The following SLC8A1 variants were observed in gnomAD, a reference collection of about 807,000 sequenced individuals.
SLC8A1 encodes solute carrier family 8 member A1, also known as sodium/calcium exchanger 1.
In SLC8A1, 18 loss-of-function variants were observed where a neutral mutation model predicts 68.3. The observed-to-expected ratio is 0.26, with a 90% CI of 0.18 to 0.39. SLC8A1 has a LOEUF of 0.39. Among genes scored for constraint, SLC8A1 ranks in the 10% least tolerant of loss-of-function variants. SLC8A1 has a pLI of 1.00. For missense variants in SLC8A1, 985 were observed against 1,156.7 expected (o/e 0.85, Z 2.15); for synonymous variants, 475 against 415.5 (o/e 1.14, Z -1.74).
chr2:40,460,583 T>A (rs1199025643), intron 1 of SLC8A1, among the ~76,000 whole-genome samples: 1 of 20,100 alleles, frequency 5.0e-5, no homozygotes, highest in African/African-American at 1.9e-4. Flanking sequence ...ATTTTTTAAT[T>A]TTTTTTTTTT....
At chr2:40,368,535 TA>T (rs946541523) in intron 2 of SLC8A1, among the ~76,000 whole-genome samples, 1 of 152,000 alleles carries the variant, frequency 6.6e-6, no homozygotes, top group Non-Finnish European at 1.5e-5. Context: ...TGATTTTATT[TA>T]AAAAAACAGA....
chr2:40,347,955 C>A (rs1387260751), intron 2 of SLC8A1, among the ~76,000 whole-genome samples: 1 of 152,116 alleles, frequency 6.6e-6, no homozygotes, highest in Non-Finnish European at 1.5e-5. Context: ...AAATTATAAG[C>A]AATTTAAATT....
At chr2:40,322,973 AT>A (rs2075385419) in intron 2 of SLC8A1, among the ~76,000 whole-genome samples, 1 of 152,256 alleles carries the variant, frequency 6.6e-6, no homozygotes, top group East Asian at 1.9e-4. Context: ...AAGAAGAGGC[AT>A]ATTCCATTTC....
At chr2:40,407,353 A>G (rs1690696004) in intron 2 of SLC8A1, among the ~76,000 whole-genome samples, 1 of 152,220 alleles carries the variant, frequency 6.6e-6, no homozygotes, top group African/African-American at 2.4e-5. Flanking sequence ...GGCATAAGCC[A>G]CCACACCTGA....
intron 2 of SLC8A1, among the ~76,000 whole-genome samples, chr2:40,311,247 G>A (rs1319408270): frequency 6.6e-6 from 1 of 152,008 alleles, no homozygotes; most frequent in East Asian, 1.9e-4. Context: ...GTGTTCAACA[G>A]AATTGTAAAA....
At chr2:40,194,974 T>A (rs2052680434) in intron 2 of SLC8A1, among the ~76,000 whole-genome samples, 2 of 151,758 alleles carry the variant, frequency 1.3e-5, no homozygotes, top group South Asian at 4.2e-4. Context: ...AACCACTGGG[T>A]GAGATGGGCA....
In SLC8A1 at chr2:40,298,702, C is replaced by A. The variant is rs558517888; in HGVS notation, c.1809-120847G>T. Among the ~76,000 whole-genome samples, 182 of 152,210 alleles carry A rather than the reference C, an allele frequency of 1.2e-3. 2 individuals are homozygous for A. Among genetic ancestry groups the A allele is most frequent in the Non-Finnish European group, 8.1e-4 (55 of 68,026 alleles). On this transcript the variant is annotated intron_variant, in intron 2 of 7. Transcript: ENST00000406785. ...CGCTAACTTGTAAAATGGTAACATA[C>A]GTGCTGTAAGGATGACATAAGAGAT...
chr2:40,496,683 A>G (rs1343046928), intron 1 of SLC8A1, among the ~76,000 whole-genome samples: 1 of 152,076 alleles, frequency 6.6e-6, no homozygotes, highest in African/African-American at 2.4e-5. Flanking sequence ...ATGAGTTTGT[A>G]TAGTCCTTAC....
chr2:40,421,507 A>G (rs1161513221), intron 2 of SLC8A1, among the ~76,000 whole-genome samples: 1 of 152,182 alleles, frequency 6.6e-6, no homozygotes, highest in African/African-American at 2.4e-5. Context: ...CAAAAATAAA[A>G]TCAAAAAACT....
chr2:40,350,134 G>A (rs909674789), intron 2 of SLC8A1, among the ~76,000 whole-genome samples: 2 of 152,070 alleles, frequency 1.3e-5, no homozygotes, highest in Admixed American at 6.6e-5. Context: ...TTTATATGAT[G>A]TTTTAAAATC....
intron 2 of SLC8A1, among the ~76,000 whole-genome samples, chr2:40,203,032 C>T (rs1377421529): frequency 6.6e-6 from 1 of 151,934 alleles, no homozygotes; most frequent in East Asian, 1.9e-4. Flanking sequence ...AGGCTTGGAG[C>T]CCACTCAGAC....
At position 40,155,141 on chromosome 2, in the gene SLC8A1, A is replaced by T. The variant is rs532729067; in HGVS notation, c.2161+5624T>A. Among the ~76,000 whole-genome samples, 61 of 145,638 alleles carry T rather than the reference A, an allele frequency of 4.2e-4. 3 individuals carry two copies. Among genetic ancestry groups the T allele is most frequent in the South Asian group, 2.2e-4 (1 of 4,522 alleles). ...CAGCAGAATTATTATTATTATTATT[A>T]TTTTTTGAGATGGAGTCTCGCTCTG... On this transcript the variant is annotated intron_variant, in intron 6 of 7. Coordinates refer to ENST00000406785, the Ensembl canonical transcript of SLC8A1.
chr2:40,256,435 C>T (rs1015879177), intron 2 of SLC8A1, among the ~76,000 whole-genome samples: 1 of 151,710 alleles, frequency 6.6e-6, no homozygotes, highest in Non-Finnish European at 1.5e-5. Context: ...ATTTACATGA[C>T]AAAAAAAATG....
At chr2:40,381,045 C>T (rs996420696) in intron 2 of SLC8A1, among the ~76,000 whole-genome samples, 7 of 152,060 alleles carry the variant, frequency 4.6e-5, no homozygotes, top group Admixed American at 1.3e-4. Flanking sequence ...ATTCCCCAAA[C>T]CTCTTCATTT....
chr2:40,441,234 C>T (rs1217269895), intron 1 of SLC8A1, among the ~76,000 whole-genome samples: 1 of 151,990 alleles, frequency 6.6e-6, no homozygotes, highest in African/African-American at 2.4e-5. Context: ...CGTGAGGGAC[C>T]TCTTCAAGGA....
chr2:40,504,615 T>C (rs1463254038), intron 1 of SLC8A1, among the ~76,000 whole-genome samples: 2 of 151,784 alleles, frequency 1.3e-5, no homozygotes, highest in African/African-American at 2.4e-5. Context: ...CTCTATGAGA[T>C]ACATTCTAAT....
chr2:40,377,734 G>A (rs543660041), intron 2 of SLC8A1, among the ~76,000 whole-genome samples: 5 of 152,076 alleles, frequency 3.3e-5, no homozygotes, highest in Admixed American at 2.0e-4. Context: ...AAGCACTGCA[G>A]ATATTGTTTA....
chr2:40,296,223 A>G (rs956536180), intron 2 of SLC8A1, among the ~76,000 whole-genome samples: 2 of 152,184 alleles, frequency 1.3e-5, no homozygotes, highest in Non-Finnish European at 2.9e-5. Flanking sequence ...GAAAAAATAC[A>G]TGCTAGAAAG....
chr2:40,190,830 C>T (rs1477649151), intron 2 of SLC8A1: 3 of 152,136 alleles, frequency 2.0e-5, no homozygotes, highest in Non-Finnish European at 4.4e-5. Context: ...TTCTGGGCAT[C>T]CCACTTAGCA....
Sources: allele counts gnomAD v4.1 joint callset (sites outside exome capture counted in the v4.1 genomes callset), GRCh38; gene constraint gnomAD v4.1.1; transcripts MANE v1.5; gene names NCBI Gene and HGNC (gene_info 2026-07-23, HGNC 2026-07-21).